Variants in LAMA3 observed in about 807,000 individuals in gnomAD.
LAMA3 encodes laminin subunit alpha-3.
In LAMA3, 281 loss-of-function variants were observed where a neutral mutation model predicts 402.0. The ratio of observed to expected loss-of-function variants is 0.70; its 90% confidence interval spans 0.63 to 0.77. The LOEUF (loss-of-function observed/expected upper bound fraction) is 0.77. LAMA3 is among the 30% of genes least tolerant of loss of function. The pLI is 0.00. For missense variants in LAMA3, 3,840 were observed against 4,215.5 expected (o/e 0.91, Z 2.47); for synonymous variants, 1,431 against 1,558.4 (o/e 0.92, Z 1.93).
At chr18:23,747,436 G>A (rs757960200) in intron 2 of LAMA3, among the ~76,000 whole-genome samples, 5 of 152,134 alleles carry the variant, frequency 3.3e-5, no homozygotes, top group Admixed American at 6.5e-5. Context: ...AGATGAGGCC[G>A]GAGGAGATCC....
intron 12 of LAMA3, among the ~76,000 whole-genome samples, chr18:23,790,188 A>T (rs1443333079): frequency 1.3e-5 from 2 of 152,220 alleles, no homozygotes; most frequent in African/African-American, 4.8e-5. Flanking sequence ...GTGATCTAGG[A>T]CATCAAGAAG....
chr18:23,689,708 G>A lies in LAMA3; in HGVS notation c.25G>A (p.Gly9Ser). Residue 9 changes from glycine (G) to serine (S), a missense_variant, in exon 1 of 75, where the codon GGT (glycine) becomes AGT (serine). Gly to Ser is a moderately conservative substitution (Grantham distance 56). Around this residue, in one of 3 missense-constraint regions of LAMA3, gnomAD observed 2,109 missense variants for 2,376.0 expected, o/e 0.89. Transcript: ENST00000313654. MAAAARPR[G>S]RALGPVLPPT... The stretch of plus-strand genomic sequence containing the variant: ...GATGGCGGCGGCCGCGCGGCCTCGG[G>A]GTCGGGCACTGGGGCCAGTACTGCC... The A allele has an allele frequency of 1.5e-6, 2 of 1,354,730 alleles. No individual in the cohort carries two copies. Among genetic ancestry groups the A allele is most frequent in the Non-Finnish European group, 1.9e-6 (2 of 1,059,048 alleles). The allele number at this position is 1,354,730 out of a possible 1,614,324, so 83.9% of individuals were successfully genotyped here. A position where few individuals can be genotyped will look rare whatever the true frequency, so the allele number is the denominator to read the frequency against.
At chr18:23,719,621 G>C (rs1228359204) in intron 2 of LAMA3, among the ~76,000 whole-genome samples, 2 of 151,402 alleles carry the variant, frequency 1.3e-5, no homozygotes, top group Non-Finnish European at 2.9e-5. Context: ...GCAAATACAG[G>C]ATCCAATCAT....
intron 2 of LAMA3, among the ~76,000 whole-genome samples, chr18:23,733,791 T>TTGG (rs1462923501): frequency 6.6e-6 from 1 of 152,120 alleles, no homozygotes; most frequent in Non-Finnish European, 1.5e-5. Flanking sequence ...ACTGGAATGG[T>TTGG]TGGTCATCTC....
rs376696521 is a variant in LAMA3, at chr18:23,901,189, A to T, written c.6067A>T (p.Ser2023Cys). The stretch of plus-strand genomic sequence containing the variant: ...GGGGGAGAACAATGGGCTTGCTAAC[A>T]GTATCCGGGATTCTTTAAATGAATA... The part of the protein sequence containing the change: ...HQGENNGLAN[S>C]IRDSLNEYEA... Residue 2023 changes from serine to cysteine, a missense_variant, in exon 48 of 75, where the codon AGT becomes TGT. Physicochemically the swap from Ser to Cys is moderately radical, Grantham distance 112. Transcript: ENST00000313654. 8.1e-6 allele frequency: 13 copies of T among 1,614,134 alleles called. No homozygotes were observed. The highest frequency in any genetic ancestry group is 1.7e-6 in the Non-Finnish European group (2 of 1,180,044).
At chr18:23,827,219 C>T (rs910074651) in intron 22 of LAMA3, 95 bp from the exon 23 acceptor site, 2 of 1,279,662 alleles carry the variant, frequency 1.6e-6, no homozygotes, top group African/African-American at 2.9e-5. Context: ...AATGAGTGAA[C>T]TGAATGACTG....
intron 2 of LAMA3, among the ~76,000 whole-genome samples, chr18:23,734,180 G>C (rs1483745950): frequency 6.6e-6 from 1 of 152,198 alleles, no homozygotes; most frequent in East Asian, 1.9e-4. Context: ...GGTATGCAGT[G>C]GGGTCGCCTA....
intron 2 of LAMA3, among the ~76,000 whole-genome samples, chr18:23,725,796 A>G (rs1476215050): frequency 6.6e-6 from 1 of 152,194 alleles, no homozygotes; most frequent in Non-Finnish European, 1.5e-5. Context: ...AGGGTGCTTT[A>G]TGTGCCTGTG....
chr18:23,827,255 A>T, intron 22 of LAMA3, 59 bp from the exon 23 acceptor site: 2 of 1,560,768 alleles, frequency 1.3e-6, no homozygotes, highest in Non-Finnish European at 1.8e-6. Context: ...GTACTTTGAT[A>T]TTCCGTTTGA....
chr18:23,767,760 A>G (rs2062107048), intron 8 of LAMA3, among the ~76,000 whole-genome samples: 1 of 151,666 alleles, frequency 6.6e-6, no homozygotes, highest in African/African-American at 2.4e-5. Context: ...ATTAGTAGAA[A>G]CAGAGTTTCA....
chr18:23,828,116 T>C (rs1437207492), intron 23 of LAMA3, among the ~76,000 whole-genome samples: 1 of 152,198 alleles, frequency 6.6e-6, no homozygotes, highest in East Asian at 1.9e-4. Context: ...ATGAAGACAC[T>C]GAAAGACTTC....
intron 12 of LAMA3, among the ~76,000 whole-genome samples, chr18:23,790,567 G>A (rs1202153510): frequency 2.0e-5 from 3 of 152,188 alleles, no homozygotes; most frequent in Non-Finnish European, 4.4e-5. Context: ...TCTTTTCTGA[G>A]TAGTTTGTCA....
chr18:23,714,846 G>A (rs1238071232), intron 2 of LAMA3, among the ~76,000 whole-genome samples: 2 of 151,962 alleles, frequency 1.3e-5, no homozygotes, highest in African/African-American at 2.4e-5. Context: ...TTCTCCTGCC[G>A]CTCGCAGCCA....
At chr18:23,838,971 T>C in intron 26 of LAMA3, 93 bp downstream of exon 26, 1 of 821,706 alleles carries the variant, frequency 1.2e-6, no homozygotes, top group Non-Finnish European at 2.1e-6. Flanking sequence ...TCAGAAATGA[T>C]CATAAGCCAA....
chr18:23,741,302 TC>T (rs1324391136), intron 2 of LAMA3, among the ~76,000 whole-genome samples: 4 of 152,096 alleles, frequency 2.6e-5, no homozygotes, highest in African/African-American at 9.7e-5. Context: ...AAAGAAGTGT[TC>T]TTGCTGAACT....
At chr18:23,726,671 G>C (rs1189252770) in intron 2 of LAMA3, among the ~76,000 whole-genome samples, 1 of 152,152 alleles carries the variant, frequency 6.6e-6, no homozygotes, top group Non-Finnish European at 1.5e-5. Context: ...CAGCTGGAGT[G>C]CAGTGACATG....
intron 2 of LAMA3, among the ~76,000 whole-genome samples, chr18:23,739,961 C>T (rs2061535781): frequency 1.3e-5 from 2 of 152,116 alleles, no homozygotes; most frequent in Admixed American, 1.3e-4. Context: ...ATAGAATTTT[C>T]TTTGTTCTGT....
At chr18:23,806,746 AG>A (rs1469193920) in intron 12 of LAMA3, among the ~76,000 whole-genome samples, 1 of 152,222 alleles carries the variant, frequency 6.6e-6, no homozygotes, top group Non-Finnish European at 1.5e-5. Flanking sequence ...CAGACCTCGC[AG>A]GATGAAGATT....
At chr18:23,804,037 C>G (rs1158803984) in intron 12 of LAMA3, among the ~76,000 whole-genome samples, 1 of 152,130 alleles carries the variant, frequency 6.6e-6, no homozygotes, top group Non-Finnish European at 1.5e-5. Context: ...TCAGATAACA[C>G]CCAGTTCATA....
Sources: gnomAD v4.1 joint callset for allele counts (sites outside exome capture counted in the v4.1 genomes callset) on GRCh38, gnomAD v4.1.1 for gene constraint, gnomAD v4.1.1 regional missense constraint, MANE v1.5 for transcripts, NCBI Gene and HGNC (gene_info 2026-07-23, HGNC 2026-07-21) for gene names.